The following MEIOB variants were observed in gnomAD, a reference collection of about 807,000 sequenced individuals.
MEIOB encodes the protein meiosis-specific with OB domain-containing protein.
A neutral mutation model predicts 53.1 loss-of-function variants in MEIOB; 50 were observed. The ratio of observed to expected loss-of-function variants is 0.94; its 90% CI spans 0.75 to 1.19. MEIOB has a LOEUF of 1.19. MEIOB is among the 50% of genes most tolerant of loss of function. MEIOB has a pLI of 0.00. For synonymous variants in MEIOB, 192 were observed against 182.5 expected (o/e 1.05, Z -0.42); for missense variants, 551 against 550.8 (o/e 1.00, Z 0.00).
intron 12 of MEIOB, among the ~76,000 whole-genome samples, chr16:1,838,520 G>C (rs1252583287): frequency 6.6e-6 from 1 of 152,146 alleles, no homozygotes; most frequent in Non-Finnish European, 1.5e-5. Flanking sequence ...TGCTGCTGTT[G>C]TATAGCTGCA....
intron 9 of MEIOB, among the ~76,000 whole-genome samples, chr16:1,852,425 G>A (rs923946097): frequency 6.6e-5 from 10 of 151,514 alleles, no homozygotes; most frequent in African/African-American, 2.4e-4. Flanking sequence ...TTTACGCTCG[G>A]CTAATTTTTC....
intron 6 of MEIOB, among the ~76,000 whole-genome samples, chr16:1,856,662 A>G (rs1899314451): frequency 6.7e-6 from 1 of 148,936 alleles, no homozygotes; most frequent in Non-Finnish European, 1.5e-5. Context: ...GTGTTTCACC[A>G]TATTGGCCAG....
intron 6 of MEIOB, among the ~76,000 whole-genome samples, 188 bp downstream of exon 6, chr16:1,857,547 C>A (rs2150819643): frequency 6.6e-6 from 1 of 152,348 alleles, no homozygotes; most frequent in African/African-American, 2.4e-5. Flanking sequence ...TATTTTACTA[C>A]TCATCCACAG....
intron 13 of MEIOB, among the ~76,000 whole-genome samples, chr16:1,834,810 C>T (rs1898695329): frequency 6.6e-6 from 1 of 152,094 alleles, no homozygotes; most frequent in South Asian, 2.1e-4. Context: ...TGGCACACAC[C>T]TGTTATCCCA....
chr16:1,861,535 C>CTTT (rs59561016), intron 4 of MEIOB, among the ~76,000 whole-genome samples: 275 of 89,080 alleles, frequency 3.1e-3, no homozygotes, highest in Non-Finnish European at 4.1e-3. Flanking sequence ...GCATTGCAGT[C>CTTT]TTTTTTTTTT....
At chr16:1,869,916 G>A (rs1375306027) in intron 1 of MEIOB, among the ~76,000 whole-genome samples, 1 of 145,334 alleles carries the variant, frequency 6.9e-6, no homozygotes, top group Non-Finnish European at 1.5e-5. Flanking sequence ...CTGTCGCCCA[G>A]GATGGAGTGC....
chr16:1,865,716 T>A (rs1465479457), intron 3 of MEIOB, 62 bp downstream of exon 3: 1 of 1,202,366 alleles, frequency 8.3e-7, no homozygotes, highest in Non-Finnish European at 1.2e-6. Flanking sequence ...TTCAATATAC[T>A]TTGTTGTAGT....
intron 9 of MEIOB, 101 bp from the exon 10 acceptor site, chr16:1,845,064 G>T: frequency 1.7e-6 from 1 of 602,002 alleles, no homozygotes. Context: ...GTGAAGACAT[G>T]TAAGAATACA....
intron 3 of MEIOB, among the ~76,000 whole-genome samples, chr16:1,864,487 C>CTTT (rs1475030667): frequency 3.5e-5 from 4 of 113,300 alleles, no homozygotes; most frequent in Admixed American, 8.6e-5. Context: ...TTTTTCTTTT[C>CTTT]TTTTTTTTTT....
chr16:1,842,623 C>CAAAAAAACAAAAAAAAAA (rs202147878), intron 10 of MEIOB, among the ~76,000 whole-genome samples: 1 of 97,776 alleles, frequency 1.0e-5, no homozygotes, highest in African/African-American at 4.1e-5. Context: ...AACTCCATCT[C>CAAAAAAACAAAAAAAAAA]AAAAAGACAG....
chr16:1,851,582 C>T (rs765558894), intron 9 of MEIOB, among the ~76,000 whole-genome samples: 12 of 152,278 alleles, frequency 7.9e-5, no homozygotes, highest in Non-Finnish European at 1.8e-4. Flanking sequence ...CAGTGAAGAG[C>T]AATTCGGGGC....
At chr16:1,841,128 T>C in intron 11 of MEIOB, 1 of 150,410 alleles carries the variant, frequency 6.6e-6, no homozygotes, top group South Asian at 2.1e-4. Flanking sequence ...GCAATTCTCA[T>C]GCCTCAGCCT....
chr16:1,844,105 C>T (rs952914225), intron 10 of MEIOB, among the ~76,000 whole-genome samples: 1 of 149,782 alleles, frequency 6.7e-6, no homozygotes, highest in South Asian at 2.1e-4. Flanking sequence ...CTCTTTGTTG[C>T]ATTCTGTATT....
At chr16:1,853,369 G>GACCCCAGCCACT in intron 7 of MEIOB, 98 bp from the exon 8 acceptor site, 1 of 998,538 alleles carries the variant, frequency 1.0e-6, no homozygotes, top group Non-Finnish European at 1.5e-6. Flanking sequence ...TTCAGTGGCT[G>GACCCCAGCCACT]GGGTCAGCCA....
intron 12 of MEIOB, 80 bp from the exon 13 acceptor site, chr16:1,837,950 C>G (rs1898793132): frequency 2.1e-6 from 3 of 1,448,476 alleles, no homozygotes; most frequent in South Asian, 2.9e-5. Flanking sequence ...GTGAAACAAA[C>G]TTTCTCATTA....
intron 2 of MEIOB, 80 bp from the exon 3 acceptor site, chr16:1,865,915 C>T: frequency 1.1e-6 from 1 of 909,004 alleles, no homozygotes; most frequent in Admixed American, 2.9e-5. Flanking sequence ...GCTTGTTATA[C>T]TTTACTGGCT....
In MEIOB at chr16:1,855,484, A is replaced by G. The variant is rs114612715; in HGVS notation, c.529-1284T>C. Reference sequence around the variant, plus strand: ...AAGAAAAGAAAATGTAAGAGGGCTGAAAGCCAAAGGGGAGATGAAAGGCAT... The same window carrying G: ...AAGAAAAGAAAATGTAAGAGGGCTGGAAGCCAAAGGGGAGATGAAAGGCAT... On this transcript the variant is annotated intron_variant, in intron 6 of 13. Coordinates refer to ENST00000325962, the MANE Select transcript of MEIOB (RefSeq NM_001163560.3). Among the ~76,000 whole-genome samples, 557 of 152,270 alleles carry G rather than the reference A, an allele frequency of 3.7e-3. 1 individual carries two copies. Among genetic ancestry groups the G allele is most frequent in the African/African-American group, 0.013 (538 of 41,554 alleles).
intron 10 of MEIOB, among the ~76,000 whole-genome samples, chr16:1,842,176 A>G (rs1898928137): frequency 6.6e-6 from 1 of 152,218 alleles, no homozygotes; most frequent in African/African-American, 2.4e-5. Context: ...ATTAGTCTTC[A>G]TTAAAATGAA....
At chr16:1,845,986 C>T (rs62038432) in intron 9 of MEIOB, among the ~76,000 whole-genome samples, 26,632 of 152,112 alleles carry the variant, frequency 0.18, 2,469 homozygotes, top group South Asian at 0.26. Flanking sequence ...AGTCTCCTAC[C>T]TGTTCTTTCT....
Sources: gnomAD v4.1 joint callset for allele counts (sites outside exome capture counted in the v4.1 genomes callset) on GRCh38, gnomAD v4.1.1 for gene constraint, MANE v1.5 for transcripts, NCBI Gene and HGNC (gene_info 2026-07-23, HGNC 2026-07-21) for gene names.